SEMA6D: variants seen among roughly 807,000 people sequenced by gnomAD.
SEMA6D encodes the protein semaphorin-6D.
In SEMA6D, 35 loss-of-function variants were observed where a neutral mutation model predicts 106.6. That is an observed-to-expected ratio of 0.33 (90% CI 0.25 to 0.44). The LOEUF (loss-of-function observed/expected upper bound fraction) is 0.44. Ranked by LOEUF, SEMA6D falls within the 20% of genes least tolerant of loss-of-function variation. The probability of loss-of-function intolerance (pLI) is 1.00; values close to 1 mark genes in which losing one functional copy is unlikely to be tolerated. For synonymous variants in SEMA6D, 499 were observed against 487.7 expected (o/e 1.02, Z -0.31); for missense variants, 1,185 against 1,345.9 (o/e 0.88, Z 1.87).
At chr15:47,227,141 G>A (rs949474760) in intron 1 of SEMA6D, among the ~76,000 whole-genome samples, 3 of 151,986 alleles carry the variant, frequency 2.0e-5, no homozygotes, top group Middle Eastern at 3.4e-3. Flanking sequence ...TTATCATCAG[G>A]GCATCATTGT....
intron 1 of SEMA6D, among the ~76,000 whole-genome samples, chr15:47,213,982 G>A (rs144030385): frequency 1.2e-3 from 176 of 152,204 alleles, no homozygotes; most frequent in African/African-American, 4.2e-3. Flanking sequence ...AGGTGATGTG[G>A]AGTTGCGTCT....
At chr15:47,553,204 A>C (rs973838206) in intron 3 of SEMA6D, among the ~76,000 whole-genome samples, 1 of 151,834 alleles carries the variant, frequency 6.6e-6, no homozygotes, top group African/African-American at 2.4e-5. Flanking sequence ...GCGCCCAGCC[A>C]ACCTGTTTCA....
chr15:47,705,257 A>G (rs941124209), intron 4 of SEMA6D, among the ~76,000 whole-genome samples: 2 of 152,152 alleles, frequency 1.3e-5, no homozygotes, highest in Non-Finnish European at 2.9e-5. Flanking sequence ...AGCACCCCCA[A>G]GTGATTCTGA....
At chr15:47,635,697 C>T (rs73390996) in intron 4 of SEMA6D, among the ~76,000 whole-genome samples, 5,217 of 152,080 alleles carry the variant, frequency 0.034, 295 homozygotes, top group African/African-American at 0.12. Context: ...AATTGTTGAA[C>T]ACACAGTTGG....
intron 4 of SEMA6D, among the ~76,000 whole-genome samples, chr15:47,651,995 C>T (rs989275612): frequency 1.3e-5 from 2 of 152,224 alleles, no homozygotes; most frequent in East Asian, 3.9e-4. Flanking sequence ...AGGAACGTTT[C>T]TCTAATTTCC....
chr15:47,414,996 A>G (rs936782907), intron 2 of SEMA6D, among the ~76,000 whole-genome samples: 3 of 152,198 alleles, frequency 2.0e-5, no homozygotes, highest in Non-Finnish European at 4.4e-5. Context: ...ACTTAGCTGG[A>G]GATAAAATAA....
intron 7 of SEMA6D, 100 bp from the exon 8 acceptor site, chr15:47,762,100 A>G (rs1459835879): frequency 7.7e-7 from 1 of 1,304,550 alleles, no homozygotes; most frequent in East Asian, 2.3e-5. Context: ...GATAATGGTA[A>G]TACCAGTGAG....
At position 47,463,567 on chromosome 15, in the gene SEMA6D, A is replaced by T. The variant is rs73407062; in HGVS notation, c.-158-6907A>T. On this transcript the variant is annotated intron_variant, in intron 2 of 19. Coordinates refer to the SEMA6D transcript ENST00000558014. ...ATGTGTGCGTCATGGTAGGCCTAAG[A>T]GTTGTAGAGTGTGTTGATAGTATGT... Among the ~76,000 whole-genome samples the T allele has an allele frequency of 8.5e-3, 1,297 of 152,284 alleles. 22 individuals are homozygous for T. The highest frequency in any genetic ancestry group is 0.03 in the African/African-American group (1,250 of 41,576).
At chr15:47,735,638 T>C (rs1283259359) in intron 1 of SEMA6D, among the ~76,000 whole-genome samples, 1 of 152,212 alleles carries the variant, frequency 6.6e-6, no homozygotes, top group Non-Finnish European at 1.5e-5. Flanking sequence ...TGCTTGAAGC[T>C]GTCATTTACT....
intron 1 of SEMA6D, among the ~76,000 whole-genome samples, chr15:47,359,075 A>G (rs1029563006): frequency 3.3e-5 from 5 of 152,072 alleles, no homozygotes; most frequent in African/African-American, 9.7e-5. Context: ...AGATGCAGGT[A>G]TTCCCGCACA....
chr15:47,371,206 T>G (rs1271885077), intron 1 of SEMA6D, among the ~76,000 whole-genome samples: 1 of 152,230 alleles, frequency 6.6e-6, no homozygotes, highest in Non-Finnish European at 1.5e-5. Flanking sequence ...GATGGCATTT[T>G]GGAGACATTT....
At chr15:47,366,443 G>T (rs921892974) in intron 1 of SEMA6D, among the ~76,000 whole-genome samples, 1 of 152,166 alleles carries the variant, frequency 6.6e-6, no homozygotes, top group African/African-American at 2.4e-5. Context: ...TCGGAGATGA[G>T]GATATAGTCC....
intron 4 of SEMA6D, among the ~76,000 whole-genome samples, chr15:47,668,107 G>A (rs559206588): frequency 3.3e-5 from 5 of 152,278 alleles, no homozygotes; most frequent in African/African-American, 9.6e-5. Flanking sequence ...ATGCCTTAGA[G>A]TACAACTGTG....
intron 4 of SEMA6D, among the ~76,000 whole-genome samples, chr15:47,710,382 TG>T (rs776510924): frequency 1.1e-4 from 17 of 152,276 alleles, no homozygotes; most frequent in Non-Finnish European, 1.9e-4. Flanking sequence ...TGAAACTGAG[TG>T]GGTATTATTC....
chr15:47,247,371 A>C (rs1162573666), intron 1 of SEMA6D, among the ~76,000 whole-genome samples: 2 of 152,210 alleles, frequency 1.3e-5, no homozygotes, highest in Non-Finnish European at 2.9e-5. Context: ...AAAGAAAGCA[A>C]AAAATGCTGG....
upstream of SEMA6D, among the ~76,000 whole-genome samples, chr15:47,715,890 A>C (rs982757927): frequency 1.3e-5 from 2 of 152,166 alleles, no homozygotes; most frequent in Non-Finnish European, 2.9e-5. Flanking sequence ...ACCCCCTTGC[A>C]ATCTTTATGC....
intron 3 of SEMA6D, among the ~76,000 whole-genome samples, chr15:47,474,338 T>A (rs187938315): frequency 8.7e-4 from 133 of 152,274 alleles, no homozygotes; most frequent in African/African-American, 3.1e-3. Flanking sequence ...GATTGAAGAG[T>A]AAATGGCCTA....
intron 1 of SEMA6D, among the ~76,000 whole-genome samples, chr15:47,296,965 T>C (rs1234352370): frequency 6.6e-6 from 1 of 152,156 alleles, no homozygotes; most frequent in African/African-American, 2.4e-5. Context: ...GCTGTAATTA[T>C]AACACAGCCC....
chr15:47,349,980 G>T (rs2038251059), intron 1 of SEMA6D, among the ~76,000 whole-genome samples: 1 of 152,264 alleles, frequency 6.6e-6, no homozygotes, highest in African/African-American at 2.4e-5. Flanking sequence ...ATGACCTTTT[G>T]TCAGCTTCAG....
Sources: allele counts gnomAD v4.1 joint callset (sites outside exome capture counted in the v4.1 genomes callset), GRCh38; gene constraint gnomAD v4.1.1; transcripts MANE v1.5; gene names NCBI Gene and HGNC (gene_info 2026-07-23, HGNC 2026-07-21).